Variants in TMEM25 observed in about 807,000 individuals in gnomAD.
TMEM25 encodes transmembrane protein 25.
TMEM25 carries 36 observed loss-of-function variants against 37.0 expected under a neutral mutation model. That is an observed-to-expected ratio of 0.97 (90% CI 0.75 to 1.28). The LOEUF (loss-of-function observed/expected upper bound fraction) is 1.28. Ranked by LOEUF, TMEM25 falls within the 50% of genes most tolerant of loss-of-function variation. TMEM25 has a pLI of 0.00. For missense variants in TMEM25, 444 were observed against 477.9 expected, an observed-to-expected ratio of 0.93 and a Z score of 0.66; for synonymous variants, 197 against 203.7, an observed-to-expected ratio of 0.97 and a Z score of 0.28.
At chr11:118,538,772 A>G (rs1951541828), downstream of TMEM25, among the ~76,000 whole-genome samples, 1 of 151,930 alleles carries the variant, frequency 6.6e-6, no homozygotes, top group Admixed American at 6.6e-5. Context: ...ATGTAGCTGC[A>G]ATCCCAGCTA....
intron 8 of TMEM25, chr11:118,545,132 G>C (rs3741320): frequency 0.16 from 127,995 of 800,556 alleles, 13,942 homozygotes; most frequent in East Asian, 0.46. Flanking sequence ...ATTCATGAGG[G>C]AACTTGGTTC....
rs1233274508 is a variant in TMEM25 at position 118,531,807 on chromosome 11, G to C, written c.6G>C (p.Ala2=). The change falls in exon 2 of 9, where the codon GCG becomes GCC. Residue 2 remains alanine (A), a synonymous_variant. Transcript: ENST00000313236. Reference sequence around the variant, plus strand: ...GGGCCTAGGCCCGGGCCACCATGGCGCTGCCTCCAGGCCCAGCCGCCCTCC... The same window carrying C: ...GGGCCTAGGCCCGGGCCACCATGGCCCTGCCTCCAGGCCCAGCCGCCCTCC... M[A]LPPGPAALRH... 1 of 1,550,608 alleles carries C rather than the reference G, an allele frequency of 6.4e-7. No individual in the cohort carries two copies. The highest frequency in any genetic ancestry group is 2.4e-5 in the East Asian group (1 of 40,904).
chr11:118,536,848 C>G (rs1384386625), downstream of TMEM25, among the ~76,000 whole-genome samples: 19 of 152,064 alleles, frequency 1.2e-4, no homozygotes, highest in Admixed American at 1.2e-3. Flanking sequence ...TGTAACATAT[C>G]TATGTATGTA....
chr11:118,536,939 A>G (rs1951517871), downstream of TMEM25, among the ~76,000 whole-genome samples: 1 of 152,078 alleles, frequency 6.6e-6, no homozygotes, highest in African/African-American at 2.4e-5. Flanking sequence ...CAGTGGTGCA[A>G]TCATAGCTCA....
Position 118,534,554 on chromosome 11 carries a change from G to C in TMEM25, c.1075G>C (p.Val359Leu). The C allele has an allele frequency of 1.2e-6, 2 of 1,614,188 alleles. No homozygotes were observed. The highest frequency in any genetic ancestry group is 2.2e-5 in the South Asian group (2 of 91,084). The change falls in exon 9 of 9, where the codon GTG (valine) becomes CTG (leucine). Residue 359 changes from valine (V) to leucine (L), a missense_variant. Val to Leu is a conservative substitution (Grantham distance 32). Coordinates refer to ENST00000313236, the MANE Select transcript of TMEM25 (RefSeq NM_032780.4). The surrounding 1 kb of genome is among the most constrained non-coding windows in gnomAD (Gnocchi z 4.6). ...VLGYIYRVSS[V>L]SSDEIWL ...GGGCTATATCTATCGAGTGTCCAGCGTGAGCAGTGATGAGATCTGGCTCTG... is the reference window on the plus strand; with the variant it reads ...GGGCTATATCTATCGAGTGTCCAGCCTGAGCAGTGATGAGATCTGGCTCTG...
chr11:118,546,334 C>CA, exon 9 of TMEM25: 1 of 586,580 alleles, frequency 1.7e-6, no homozygotes, highest in South Asian at 2.0e-5. Flanking sequence ...TCCATCTCTA[C>CA]AAAAAAATTA....
chr11:118,544,982 TTTC>T (rs1228821142), intron 8 of TMEM25: 1 of 1,613,358 alleles, frequency 6.2e-7, no homozygotes, highest in Non-Finnish European at 8.5e-7. Context: ...GAGTGAATGC[TTTC>T]TTGCCTTCAG....
chr11:118,534,141 GCCCTGCTCTTTGC>G lies in TMEM25; in HGVS notation c.937+20_937+32del. On this transcript the variant is annotated intron_variant, in intron 7 of 8. Transcript: ENST00000313236. This position sits in a 1 kb window ranked among gnomAD's most constrained non-coding sequence, Gnocchi z 4.6. ...TCCAGATTCCAGAGGTATATCTAGG[GCCCTGCTCTTTGC>G]CCCTGCTTAATCTCCAGAAGTGCTT... is the stretch of plus-strand genomic sequence containing the variant. 1 of 1,613,938 alleles carries G rather than the reference GCCCTGCTCTTTGC, an allele frequency of 6.2e-7. No individual in the cohort carries two copies. The highest frequency in any genetic ancestry group is 8.5e-7 in the Non-Finnish European group (1 of 1,179,884).
At position 118,534,151 on chromosome 11, in the gene TMEM25, T is replaced by C; in HGVS notation, c.937+22T>C. 1 of 1,613,820 alleles carries C rather than the reference T, an allele frequency of 6.2e-7. No individual in the cohort carries two copies. Among genetic ancestry groups the C allele is most frequent in the Non-Finnish European group, 8.5e-7 (1 of 1,179,750 alleles). The stretch of plus-strand genomic sequence containing the variant: ...AGAGGTATATCTAGGGCCCTGCTCT[T>C]TGCCCCTGCTTAATCTCCAGAAGTG... On this transcript the variant is annotated intron_variant, in intron 7 of 8. Transcript: ENST00000313236. This position sits in a 1 kb window ranked among gnomAD's most constrained non-coding sequence, Gnocchi z 4.6.
chr11:118,546,141 C>T (rs564564627), exon 9 of TMEM25: 15 of 718,424 alleles, frequency 2.1e-5, no homozygotes, highest in Middle Eastern at 2.3e-4. Context: ...AGGACAAAGA[C>T]GCATAACAGA....
At chr11:118,542,067 C>A (rs1383783957) in intron 8 of TMEM25, among the ~76,000 whole-genome samples, 1 of 152,162 alleles carries the variant, frequency 6.6e-6, no homozygotes, top group African/African-American at 2.4e-5. Context: ...TTTTAGCTCC[C>A]ACTTACAAGT....
At position 118,531,246 on chromosome 11, in the gene TMEM25, C is replaced by CGGTGGCG. The variant is rs1951233233; in HGVS notation, c.-28+15_-28+21dup. The CGGTGGCG allele has an allele frequency of 2.5e-6, 1 of 397,266 alleles. No individual in the cohort carries two copies. Among genetic ancestry groups the CGGTGGCG allele is most frequent in the Non-Finnish European group, 4.6e-6 (1 of 218,332 alleles). The allele number at this position is 397,266 out of a possible 1,614,324, so 24.6% of individuals were successfully genotyped here. A position where few individuals can be genotyped will look rare whatever the true frequency, so the allele number is the denominator to read the frequency against. On this transcript the variant is annotated intron_variant, in intron 1 of 8. Coordinates refer to ENST00000313236, the MANE Select transcript of TMEM25 (RefSeq NM_032780.4). ...GGGGAGGGAGCCAGGTGAGCCGCCC[C>CGGTGGCG]GGTGGCGGGGGGCGGGGGCGGGATG...
At position 118,534,504 on chromosome 11, in the gene TMEM25, C is replaced by T. The variant is rs1555062081; in HGVS notation, c.1028-3C>T. On this transcript the variant is annotated splice_polypyrimidine_tract_variant and splice_region_variant and intron_variant, in intron 8 of 8. Transcript: ENST00000313236. The surrounding 1 kb of genome is among the most constrained non-coding windows in gnomAD (Gnocchi z 4.6). ...GTCCCCGCGGGCTTCTTTGATCCCG[C>T]AGGTTTCATCCGCCTCCCAGTGCTG... 6.2e-7 allele frequency: 1 copy of T among 1,614,208 alleles called. No individual in the cohort carries two copies. Among genetic ancestry groups the T allele is most frequent in the Admixed American group, 1.7e-5 (1 of 60,026 alleles).
At chr11:118,540,185 C>T (rs1217055442), downstream of TMEM25, among the ~76,000 whole-genome samples, 1 of 151,846 alleles carries the variant, frequency 6.6e-6, no homozygotes, top group Non-Finnish European at 1.5e-5. Flanking sequence ...TCTCGGCTCA[C>T]TGCAAGCTCC....
At chr11:118,546,516 A>G (rs1214696336), downstream of TMEM25, 2 of 209,358 alleles carry the variant, frequency 9.6e-6, no homozygotes, top group African/African-American at 4.6e-5. Flanking sequence ...GAGGGAGGGA[A>G]TCAACCATGC....
chr11:118,533,703 C>A, intron 5 of TMEM25, 152 bp downstream of exon 5: 2 of 1,558,652 alleles, frequency 1.3e-6, no homozygotes, highest in Non-Finnish European at 1.8e-6. Context: ...TCCCAGGTAG[C>A]AGGGTCAAGC....
downstream of TMEM25, chr11:118,546,513 G>A: frequency 5.1e-5 from 10 of 196,636 alleles, no homozygotes; most frequent in East Asian, 1.2e-4. Context: ...AGGGAGGGAG[G>A]GAATCAACCA....
intron 8 of TMEM25, among the ~76,000 whole-genome samples, chr11:118,544,292 C>T (rs1321742165): frequency 6.6e-6 from 1 of 152,206 alleles, no homozygotes; most frequent in Non-Finnish European, 1.5e-5. Flanking sequence ...TGGAGCCAGA[C>T]AGCCTCAGGA....
At chr11:118,538,062 A>G (rs1951533607), downstream of TMEM25, among the ~76,000 whole-genome samples, 1 of 152,158 alleles carries the variant, frequency 6.6e-6, no homozygotes, top group Admixed American at 6.5e-5. Context: ...AAGAAAAGAG[A>G]GAATCCCCAT....
Sources: gnomAD v4.1 joint callset for allele counts (sites outside exome capture counted in the v4.1 genomes callset) on GRCh38, gnomAD v4.1.1 for gene constraint, Gnocchi (gnomAD v3.1) non-coding constraint, MANE v1.5 for transcripts, NCBI Gene and HGNC (gene_info 2026-07-23, HGNC 2026-07-21) for gene names.